Variants in FOCAD observed in about 807,000 individuals in gnomAD.
FOCAD encodes the protein KIAA1797.
In FOCAD, 198 loss-of-function variants were observed where a neutral mutation model predicts 225.6. The observed-to-expected ratio is 0.88, with a 90% CI of 0.78 to 0.99. The LOEUF (loss-of-function observed/expected upper bound fraction) is 0.99, where lower values mean the gene tolerates loss of function less well. FOCAD is among the 50% of genes least tolerant of loss of function. The pLI, the probability that FOCAD is intolerant of heterozygous loss-of-function variation, is 0.00. For missense variants in FOCAD, 2,713 were observed against 2,123.6 expected, an observed-to-expected ratio of 1.28 and a Z score of -5.46; for synonymous variants, 897 against 755.0, an observed-to-expected ratio of 1.19 and a Z score of -3.08.
rs577118495 is a variant in FOCAD, at chr9:20,942,195, T to C, written c.3408-2432T>C. 1.1e-4 allele frequency among the ~76,000 whole-genome samples: 16 copies of C among 152,308 alleles called. 1 individual carries two copies. In the South Asian group the frequency reaches 3.3e-3, roughly 32 times the overall value. ...AGCAATGAATAGAATCGCTAGTGAA[T>C]TATAACGTTGCTCAGGTTATAGTAA... On this transcript the variant is annotated intron_variant, in intron 28 of 43. Transcript: ENST00000338382.
chr9:20,729,499 A>G (rs1253017414), intron 4 of FOCAD, among the ~76,000 whole-genome samples: 1 of 152,126 alleles, frequency 6.6e-6, no homozygotes, highest in Non-Finnish European at 1.5e-5. Context: ...CCCTATTTCC[A>G]TATAAGGTCA....
Position 20,986,420 on chromosome 9 carries a change from C to A in FOCAD, c.4861C>A (p.Leu1621Met). The change falls in exon 40 of 44, where the codon CTG (leucine) becomes ATG (methionine). Residue 1621 changes from leucine (L) to methionine (M), a missense_variant. Leu to Met is a conservative substitution (Grantham distance 15). Transcript: ENST00000338382. ...GAAAGAGGTGTTGGCCTGGATGATT[C>A]TGCACAGCTTATACCAGGCACGGAT... Reference protein sequence around the residue: ...REKEVLAWMILHSLYQARIVS... With the variant: ...REKEVLAWMIMHSLYQARIVS... 1 of 1,613,220 alleles carries A rather than the reference C, an allele frequency of 6.2e-7. No individual in the cohort carries two copies. Among genetic ancestry groups the A allele is most frequent in the East Asian group, 2.2e-5 (1 of 44,788 alleles).
chr9:20,952,786 AC>A (rs1442846574), intron 34 of FOCAD, among the ~76,000 whole-genome samples, 198 bp from the exon 35 acceptor site: 4 of 152,092 alleles, frequency 2.6e-5, no homozygotes, highest in Non-Finnish European at 5.9e-5. Context: ...AGATTTGCTT[AC>A]ATAGCTTAAG....
chr9:20,952,894 C>G (rs1233119753), intron 34 of FOCAD, 91 bp from the exon 35 acceptor site: 1 of 984,612 alleles, frequency 1.0e-6, no homozygotes, highest in Non-Finnish European at 1.6e-6. Context: ...CACTTTGTCT[C>G]TAGGTTGATA....
rs867690396 is a variant in FOCAD, at chr9:20,777,968, T to G, written c.907-713T>G. The stretch of plus-strand genomic sequence containing the variant: ...AGCCGGGCGCAGTGGCGGGCGCCTG[T>G]AGTCCCAGCTACTCGGGAGGCTGAG... On this transcript the variant is annotated intron_variant, in intron 8 of 43. Coordinates refer to ENST00000338382, the MANE Select transcript of FOCAD (RefSeq NM_001375567.1). Among the ~76,000 whole-genome samples, 1,343 of 151,076 alleles carry G rather than the reference T, an allele frequency of 8.9e-3. 11 individuals are homozygous for G. The highest frequency in any genetic ancestry group is 0.015 in the Non-Finnish European group (989 of 67,588).
intron 15 of FOCAD, among the ~76,000 whole-genome samples, chr9:20,823,629 G>T (rs998300505): frequency 6.6e-5 from 10 of 152,072 alleles, no homozygotes; most frequent in Non-Finnish European, 1.3e-4. Context: ...TAACACAGCA[G>T]AGAGAATCTA....
intron 6 of FOCAD, among the ~76,000 whole-genome samples, chr9:20,759,436 A>T (rs886807099): frequency 3.3e-5 from 5 of 152,218 alleles, no homozygotes; most frequent in Non-Finnish European, 5.9e-5. Flanking sequence ...ATCTTTGACA[A>T]ACCTGAGAAA....
At position 20,825,146 on chromosome 9, in the gene FOCAD, CGTGTGTGTGTGT is replaced by C. The variant is rs10562859; in HGVS notation, c.1920+2058_1920+2069del. Among the ~76,000 whole-genome samples, 845 of 139,072 alleles carry C rather than the reference CGTGTGTGTGTGT, an allele frequency of 6.1e-3. 8 individuals carry two copies. Among genetic ancestry groups the C allele is most frequent in the African/African-American group, 0.021 (789 of 37,424 alleles). The allele number at this position is 139,072 out of a possible 152,430, so 91.2% of individuals were successfully genotyped here. A position where few individuals can be genotyped will look rare whatever the true frequency, so the allele number is the denominator to read the frequency against. On this transcript the variant is annotated intron_variant, in intron 15 of 43. Coordinates refer to ENST00000338382, the MANE Select transcript of FOCAD (RefSeq NM_001375567.1). The stretch of plus-strand genomic sequence containing the variant: ...TTTGTTTAAGGCTTTTCAAGCTTTG[CGTGTGTGTGTGT>C]GTGTGTGTGTGTGTGTGTGTGTGTG...
At chr9:20,977,064 A>G (rs1333115097) in intron 36 of FOCAD, among the ~76,000 whole-genome samples, 1 of 152,160 alleles carries the variant, frequency 6.6e-6, no homozygotes, top group African/African-American at 2.4e-5. Context: ...GGAGGAATTC[A>G]TTTCCTTTTC....
chr9:20,713,071 A>G (rs1461505361), intron 1 of FOCAD, among the ~76,000 whole-genome samples: 1 of 152,062 alleles, frequency 6.6e-6, no homozygotes, highest in African/African-American at 2.4e-5. Flanking sequence ...TAGCAGCCAC[A>G]TTGGCTTTCC....
intron 2 of FOCAD, among the ~76,000 whole-genome samples, chr9:20,661,928 A>G (rs1004946609): frequency 6.6e-6 from 1 of 152,202 alleles, no homozygotes; most frequent in African/African-American, 2.4e-5. Flanking sequence ...AGAATGAGGA[A>G]ATTCTTTATA....
chr9:20,717,702 A>G (rs924216139), intron 2 of FOCAD, 92 bp from the exon 3 acceptor site: 14 of 970,110 alleles, frequency 1.4e-5, no homozygotes, highest in Middle Eastern at 2.6e-4. Context: ...ACTTAATCCT[A>G]ATTGACTGCC....
At chr9:20,983,918 A>T (rs796306453) in intron 39 of FOCAD, among the ~76,000 whole-genome samples, 1 of 152,212 alleles carries the variant, frequency 6.6e-6, no homozygotes, top group African/African-American at 2.4e-5. Flanking sequence ...GTAATGAATT[A>T]TATCCTATTA....
At position 20,882,048 on chromosome 9, in the gene FOCAD, G is replaced by A. The variant is rs1474878446; in HGVS notation, c.2495G>A (p.Gly832Asp). ...ETNKQPGLKP[G>D]LAGGMLFCYD... ...AACAAGCAACCAGGACTGAAACCTG[G>A]CCTTGCAGGTAAGGGTAGTACATAG... The change falls in exon 20 of 44, where the codon GGC becomes GAC. Residue 832 changes from glycine (G) to aspartate (D), a missense_variant. By Grantham distance (94) the Gly-to-Asp change is moderately conservative. Transcript: ENST00000338382. 1 of 1,612,742 alleles carries A rather than the reference G, an allele frequency of 6.2e-7. No homozygotes were observed. The highest frequency in any genetic ancestry group is 8.5e-7 in the Non-Finnish European group (1 of 1,179,492).
At chr9:20,823,209 A>T in intron 15 of FOCAD, 94 bp downstream of exon 15, 1 of 1,333,656 alleles carries the variant, frequency 7.5e-7, no homozygotes, top group Non-Finnish European at 1.0e-6. Flanking sequence ...CAAATAACTG[A>T]AGTCTGAGTG....
intron 39 of FOCAD, among the ~76,000 whole-genome samples, 177 bp from the exon 40 acceptor site, chr9:20,986,111 C>G (rs932477396): frequency 6.6e-6 from 1 of 151,996 alleles, no homozygotes; most frequent in East Asian, 1.9e-4. Flanking sequence ...GGCATTACAA[C>G]CCTCTATTGT....
chr9:20,947,924 T>C (rs1450696066), intron 30 of FOCAD, among the ~76,000 whole-genome samples: 1 of 152,140 alleles, frequency 6.6e-6, no homozygotes, highest in African/African-American at 2.4e-5. Flanking sequence ...TTTCTTTTTG[T>C]TTAGGAGTTG....
chr9:20,944,556 C>A, intron 28 of FOCAD, 71 bp from the exon 29 acceptor site: 2 of 1,535,988 alleles, frequency 1.3e-6, no homozygotes. Flanking sequence ...TCTGTAAACA[C>A]CCGTGGTAAG....
intron 2 of FOCAD, among the ~76,000 whole-genome samples, chr9:20,667,085 C>G (rs1236238742): frequency 6.6e-6 from 1 of 152,200 alleles, no homozygotes; most frequent in Non-Finnish European, 1.5e-5. Flanking sequence ...CCATTGTTCT[C>G]TGAAGCTACT....
Sources: gnomAD v4.1 joint callset for allele counts (sites outside exome capture counted in the v4.1 genomes callset) on GRCh38, gnomAD v4.1.1 for gene constraint, MANE v1.5 for transcripts, NCBI Gene and HGNC (gene_info 2026-07-23, HGNC 2026-07-21) for gene names.